ZNF804A: variants seen among roughly 807,000 people sequenced by gnomAD.
ZNF804A encodes zinc finger protein 804A.
ZNF804A carries 2 observed loss-of-function variants against 16.5 expected under a neutral mutation model. The ratio of observed to expected loss-of-function variants is 0.12; its 90% CI spans 0.05 to 0.38. The LOEUF is 0.38. ZNF804A is among the 10% of genes least tolerant of loss of function. The pLI is 0.99. For missense variants in ZNF804A, 1,473 were observed against 1,390.7 expected, an observed-to-expected ratio of 1.06 and a Z score of -0.94; for synonymous variants, 534 against 489.6, an observed-to-expected ratio of 1.09 and a Z score of -1.20.
intron 1 of ZNF804A, among the ~76,000 whole-genome samples, chr2:184,853,410 G>A (rs1164991922): frequency 6.6e-6 from 1 of 151,706 alleles, no homozygotes; most frequent in Non-Finnish European, 1.5e-5. Context: ...CTAATTGTAT[G>A]GATAGGACTT....
intron 1 of ZNF804A, among the ~76,000 whole-genome samples, chr2:184,642,170 G>A (rs1691805656): frequency 6.6e-6 from 1 of 152,080 alleles, no homozygotes; most frequent in African/African-American, 2.4e-5. Context: ...TTTCCTGAGA[G>A]TAAATTTAAT....
chr2:184,716,515 TTAAG>T (rs1318872627), intron 1 of ZNF804A, among the ~76,000 whole-genome samples: 4 of 152,156 alleles, frequency 2.6e-5, no homozygotes, highest in African/African-American at 9.6e-5. Flanking sequence ...TAATTTATCT[TTAAG>T]TAACTCCTGA....
intron 1 of ZNF804A, among the ~76,000 whole-genome samples, chr2:184,813,980 T>G (rs1225808113): frequency 6.7e-6 from 1 of 149,432 alleles, no homozygotes; most frequent in East Asian, 2.0e-4. Context: ...TAGGGCATGT[T>G]TGAGAAAGGC....
chr2:184,685,662 G>A (rs1692616020), intron 1 of ZNF804A, among the ~76,000 whole-genome samples: 1 of 152,144 alleles, frequency 6.6e-6, no homozygotes, highest in South Asian at 2.1e-4. Context: ...TCAGAAGGGA[G>A]AAAGTACATG....
At chr2:184,612,094 A>G (rs1255320748) in intron 1 of ZNF804A, among the ~76,000 whole-genome samples, 2 of 152,288 alleles carry the variant, frequency 1.3e-5, no homozygotes, top group South Asian at 2.1e-4. Context: ...ATTAAATTTG[A>G]TTGAAATGTT....
In ZNF804A at chr2:184,604,882, A is replaced by G. The variant is rs184519903; in HGVS notation, c.111+5812A>G. ...AAGTCAAATATCTAGGATCTCTATC[A>G]TAATAAGAAATATACAGGGATTTCA... On this transcript the variant is annotated intron_variant, in intron 1 of 3. Transcript: ENST00000302277. Among the ~76,000 whole-genome samples the G allele has an allele frequency of 9.8e-5, 15 of 152,342 alleles. No homozygotes were observed. The East Asian group carries it at 2.9e-3, about 29-fold the overall frequency.
At chr2:184,630,263 C>T (rs1691584311) in intron 1 of ZNF804A, among the ~76,000 whole-genome samples, 1 of 152,118 alleles carries the variant, frequency 6.6e-6, no homozygotes, top group Non-Finnish European at 1.5e-5. Context: ...ATTCGTTCAA[C>T]TGCTATTCGG....
intron 1 of ZNF804A, among the ~76,000 whole-genome samples, chr2:184,633,955 A>C (rs1433250896): frequency 1.3e-5 from 2 of 152,170 alleles, no homozygotes; most frequent in Non-Finnish European, 2.9e-5. Flanking sequence ...CAACTTCCCC[A>C]AAAATATAGA....
chr2:184,885,404 A>G (rs1684873563), intron 2 of ZNF804A, among the ~76,000 whole-genome samples: 1 of 152,190 alleles, frequency 6.6e-6, no homozygotes, highest in South Asian at 2.1e-4. Context: ...TCATCACAGC[A>G]CTATTCACAA....
intron 1 of ZNF804A, among the ~76,000 whole-genome samples, chr2:184,811,151 G>A (rs1331294396): frequency 1.3e-5 from 2 of 152,088 alleles, no homozygotes; most frequent in Non-Finnish European, 2.9e-5. Context: ...ACGCTATGGA[G>A]GTGGCAAATT....
intron 1 of ZNF804A, among the ~76,000 whole-genome samples, chr2:184,618,635 TATCAATTCATGTTGC>T (rs1351079633): frequency 2.6e-5 from 4 of 152,072 alleles, no homozygotes; most frequent in Non-Finnish European, 5.9e-5. Flanking sequence ...GGGACGACTG[TATCAATTCATGTTGC>T]AATTTTCTCC....
intron 1 of ZNF804A, among the ~76,000 whole-genome samples, chr2:184,843,641 C>T (rs1476703777): frequency 6.6e-6 from 1 of 152,126 alleles, no homozygotes; most frequent in Non-Finnish European, 1.5e-5. Context: ...GATCCTAAAA[C>T]ACTGAAATTT....
chr2:184,772,875 T>G (rs1694236653), intron 1 of ZNF804A, among the ~76,000 whole-genome samples: 1 of 150,116 alleles, frequency 6.7e-6, no homozygotes, highest in Admixed American at 6.7e-5. Context: ...TTTCATTTGC[T>G]TTACCCTGAG....
chr2:184,694,898 T>TG (rs908442363), intron 1 of ZNF804A, among the ~76,000 whole-genome samples: 5 of 152,190 alleles, frequency 3.3e-5, no homozygotes, highest in African/African-American at 4.8e-5. Context: ...CCCTGATCTG[T>TG]GGGGAAGTTC....
At chr2:184,855,578 A>G (rs1695673466) in intron 1 of ZNF804A, among the ~76,000 whole-genome samples, 1 of 150,204 alleles carries the variant, frequency 6.7e-6, no homozygotes. Flanking sequence ...GAAAGTATAT[A>G]TATACTGTAA....
At chr2:184,890,722 C>G (rs1259450466) in intron 2 of ZNF804A, among the ~76,000 whole-genome samples, 1 of 151,406 alleles carries the variant, frequency 6.6e-6, no homozygotes, top group Non-Finnish European at 1.5e-5. Context: ...AAATTGGTTT[C>G]CTTCCAAAAT....
At chr2:184,919,348 C>T (rs892149589) in intron 2 of ZNF804A, among the ~76,000 whole-genome samples, 1 of 152,162 alleles carries the variant, frequency 6.6e-6, no homozygotes, top group Non-Finnish European at 1.5e-5. Context: ...TCGCTGCTGG[C>T]ATTGGGCTGT....
At chr2:184,637,895 C>T (rs1239064905) in intron 1 of ZNF804A, among the ~76,000 whole-genome samples, 1 of 152,140 alleles carries the variant, frequency 6.6e-6, no homozygotes, top group Non-Finnish European at 1.5e-5. Context: ...CCTGCTCCTT[C>T]ATATAACTTT....
chr2:184,767,082 T>A (rs894459613), intron 1 of ZNF804A, among the ~76,000 whole-genome samples: 3 of 152,162 alleles, frequency 2.0e-5, no homozygotes, highest in Non-Finnish European at 2.9e-5. Flanking sequence ...GAATGTAACC[T>A]TAACAGCACC....
Sources: allele counts gnomAD v4.1 joint callset (sites outside exome capture counted in the v4.1 genomes callset), GRCh38; gene constraint gnomAD v4.1.1; transcripts MANE v1.5; gene names NCBI Gene and HGNC (gene_info 2026-07-23, HGNC 2026-07-21).